SLC22A5: variants seen among roughly 807,000 people sequenced by gnomAD.
SLC22A5 encodes solute carrier family 22 member 5, also known as organic cation/carnitine transporter 2.
In SLC22A5, 44 loss-of-function variants were observed where a neutral mutation model predicts 56.7. The ratio of observed to expected loss-of-function variants is 0.78; its 90% confidence interval spans 0.61 to 1.00. The LOEUF is 1.00. SLC22A5 is among the 50% of genes least tolerant of loss of function. The probability of loss-of-function intolerance (pLI) is 0.00; values close to 1 mark genes in which losing one functional copy is unlikely to be tolerated. For synonymous variants in SLC22A5, 278 were observed against 292.1 expected (o/e 0.95, Z 0.49); for missense variants, 675 against 723.0 (o/e 0.93, Z 0.76).
chr5:132,369,788 C>T lies in SLC22A5; in HGVS notation c.-185C>T, dbSNP rs2631366. 2.8e-6 allele frequency: 2 copies of T among 703,914 alleles called. No homozygotes were observed. Among genetic ancestry groups the T allele is most frequent in the Non-Finnish European group, 4.4e-6 (2 of 453,432 alleles). 43.6% of individuals were successfully genotyped at this position (703,914 alleles called of 1,614,324 possible). A position where few individuals can be genotyped will look rare whatever the true frequency, so the allele number is the denominator to read the frequency against. On this transcript the variant is annotated 5_prime_UTR_variant, in exon 1 of 10. Transcript: ENST00000245407. ...CCGCAACCTTCCCTGGTCGTGCGCC[C>T]TATGTAAGGCCAGCCGCGGCAGGAC...
chr5:132,390,651 G>C, intron 6 of SLC22A5, 39 bp from the exon 7 acceptor site: 1 of 1,410,260 alleles, frequency 7.1e-7, no homozygotes, highest in African/African-American at 1.4e-5. Context: ...GAAAGATGTG[G>C]ATACTGCTTT....
Position 132,369,724 on chromosome 5 carries a change from C to T in SLC22A5, c.-249C>T, listed in dbSNP as rs1580866608. 1.5e-5 allele frequency: 7 copies of T among 455,000 alleles called. No homozygotes were observed. The East Asian group carries it at 2.2e-4, about 14-fold the overall frequency. 28.2% of individuals were successfully genotyped at this position (455,000 alleles called of 1,614,324 possible). A position where few individuals can be genotyped will look rare whatever the true frequency, so the allele number is the denominator to read the frequency against. The stretch of plus-strand genomic sequence containing the variant: ...GCCCCAGCTCCGCCTTCGCCGGCGC[C>T]GCTCTGCCTGCCAGCGGGGCGCGCC... On this transcript the variant is annotated 5_prime_UTR_variant, in exon 1 of 10. Transcript: ENST00000245407.
chr5:132,372,779 G>GC (rs770250770), intron 1 of SLC22A5, among the ~76,000 whole-genome samples: 5 of 152,186 alleles, frequency 3.3e-5, no homozygotes, highest in Non-Finnish European at 5.9e-5. Flanking sequence ...GGAAGTTGCT[G>GC]CATCAACATT....
intron 2 of SLC22A5, chr5:132,380,436 C>CT (rs34052176): frequency 0.4 from 58,924 of 147,292 alleles, 11,878 homozygotes; most frequent in East Asian, 0.65. Flanking sequence ...CAGATTTGTC[C>CT]TTTTTTTTTT....
At chr5:132,386,212 T>A (rs984315457) in intron 4 of SLC22A5, among the ~76,000 whole-genome samples, 1 of 136,958 alleles carries the variant, frequency 7.3e-6, no homozygotes, top group Non-Finnish European at 1.6e-5. Flanking sequence ...CCTTTTTTTC[T>A]TTTCTTTTTC....
intron 2 of SLC22A5, chr5:132,378,798 GC>G: frequency 5.0e-6 from 2 of 396,586 alleles, no homozygotes; most frequent in South Asian, 2.2e-5. Flanking sequence ...ACTCTGTCAT[GC>G]CCCTGAGCAT....
At chr5:132,392,890 C>A (rs1752755693) in intron 8 of SLC22A5, among the ~76,000 whole-genome samples, 2 of 152,310 alleles carry the variant, frequency 1.3e-5, no homozygotes, top group African/African-American at 2.4e-5. Flanking sequence ...TCAGAGACTA[C>A]AATTCCTTTA....
At chr5:132,388,029 G>C (rs768490814) in intron 5 of SLC22A5, among the ~76,000 whole-genome samples, 2 of 152,242 alleles carry the variant, frequency 1.3e-5, no homozygotes, top group Non-Finnish European at 2.9e-5. Flanking sequence ...TGTAGACAGC[G>C]GAGGCCAATG....
Position 132,395,230 on chromosome 5 carries a change from A to AG in SLC22A5, c.*958_*959insG, listed in dbSNP as rs1752836531. The stretch of plus-strand genomic sequence containing the variant: ...TTGTGTCTTTTTTTTTTTTTTTTTA[A>AG]AACAGAATCACTCTGGCAATTGTCT... On this transcript the variant is annotated 3_prime_UTR_variant, in exon 10 of 10. Transcript: ENST00000245407. 1 of 72,504 alleles carries AG rather than the reference A, an allele frequency of 1.4e-5. No homozygotes were observed. Among genetic ancestry groups the AG allele is most frequent in the African/African-American group, 3.4e-5 (1 of 29,182 alleles). 4.5% of individuals were successfully genotyped at this position (72,504 alleles called of 1,614,324 possible).
chr5:132,388,825 A>G (rs1752613339), intron 5 of SLC22A5, 96 bp from the exon 6 acceptor site: 1 of 830,918 alleles, frequency 1.2e-6, no homozygotes, highest in African/African-American at 1.7e-5. Flanking sequence ...GCTGAGATGC[A>G]GACAGCTAAG....
In SLC22A5 at chr5:132,394,621, C is replaced by A; in HGVS notation, c.*349C>A. The stretch of plus-strand genomic sequence containing the variant: ...AAATGTACATTTTAATTTTAGACTA[C>A]TTGAAAAGGCCCCTAATAAGGCTAG... On this transcript the variant is annotated 3_prime_UTR_variant, in exon 10 of 10. Transcript: ENST00000245407. The A allele has an allele frequency of 3.3e-6, 1 of 307,184 alleles. No individual in the cohort carries two copies. Among genetic ancestry groups the A allele is most frequent in the South Asian group, 4.1e-5 (1 of 24,378 alleles). The allele number at this position is 307,184 out of a possible 1,614,324, so 19.0% of individuals were successfully genotyped here.
Position 132,394,421 on chromosome 5 carries a change from A to C in SLC22A5, c.*149A>C. The C allele has an allele frequency of 1.4e-6, 1 of 725,162 alleles. No individual in the cohort carries two copies. Among genetic ancestry groups the C allele is most frequent in the Non-Finnish European group, 2.5e-6 (1 of 396,594 alleles). The allele number at this position is 725,162 out of a possible 1,614,324, so 44.9% of individuals were successfully genotyped here. On this transcript the variant is annotated 3_prime_UTR_variant, in exon 10 of 10. Transcript: ENST00000245407. ...CTGACTTGCTCCTGGATGGGCACCC[A>C]CACTCAGAGGCTACATATGGCCCTA...
intron 1 of SLC22A5, among the ~76,000 whole-genome samples, chr5:132,374,933 A>G (rs184489835): frequency 2.1e-3 from 316 of 152,274 alleles, no homozygotes; most frequent in African/African-American, 7.3e-3. Context: ...GCATCCCTGT[A>G]GTCCCAGCCA....
intron 7 of SLC22A5, 36 bp downstream of exon 7, chr5:132,390,940 A>T (rs773448224): frequency 6.6e-7 from 1 of 1,523,058 alleles, no homozygotes; most frequent in Non-Finnish European, 9.1e-7. Flanking sequence ...TGGGGTCTTC[A>T]CTGAGTCTCT....
At chr5:132,370,648 G>A (rs1751876568) in intron 1 of SLC22A5, among the ~76,000 whole-genome samples, 1 of 152,168 alleles carries the variant, frequency 6.6e-6, no homozygotes. Flanking sequence ...GCGGTCCCTG[G>A]GCGATGCTCT....
chr5:132,371,241 C>G (rs896095304), intron 1 of SLC22A5, among the ~76,000 whole-genome samples: 1 of 152,104 alleles, frequency 6.6e-6, no homozygotes, highest in South Asian at 2.1e-4. Flanking sequence ...GGATTACAAC[C>G]GTGAGCCACC....
intron 2 of SLC22A5, chr5:132,383,505 C>G (rs756730263): frequency 6.4e-5 from 10 of 155,118 alleles, no homozygotes; most frequent in Non-Finnish European, 1.1e-4. Context: ...ACTTGAGATT[C>G]AGGTTCTGAT....
intron 1 of SLC22A5, among the ~76,000 whole-genome samples, chr5:132,371,099 T>C (rs2569266): frequency 0.41 from 61,520 of 151,830 alleles, 13,032 homozygotes; most frequent in East Asian, 0.67. Flanking sequence ...CCTGCCTCAG[T>C]CTCCGAGTAG....
intron 1 of SLC22A5, among the ~76,000 whole-genome samples, chr5:132,371,166 C>A (rs1039535944): frequency 6.6e-6 from 1 of 152,072 alleles, no homozygotes; most frequent in Non-Finnish European, 1.5e-5. Context: ...GGGGTTTCAC[C>A]GTGTTGGCCA....
Sources: gnomAD v4.1 joint callset for allele counts (sites outside exome capture counted in the v4.1 genomes callset) on GRCh38, gnomAD v4.1.1 for gene constraint, MANE v1.5 for transcripts, NCBI Gene and HGNC (gene_info 2026-07-23, HGNC 2026-07-21) for gene names.